MYO1B: variants seen among roughly 807,000 people sequenced by gnomAD.
The protein encoded by MYO1B is unconventional myosin-Ib.
A neutral mutation model predicts 159.7 loss-of-function variants in MYO1B; 72 were observed. That is an observed-to-expected ratio of 0.45 (90% CI 0.37 to 0.55). The LOEUF is 0.55. MYO1B is among the 20% of genes least tolerant of loss of function. MYO1B has a pLI of 0.00. For missense variants in MYO1B, 1,062 were observed against 1,364.8 expected (o/e 0.78, Z 3.50); for synonymous variants, 468 against 473.8 (o/e 0.99, Z 0.16).
intron 2 of MYO1B, among the ~76,000 whole-genome samples, chr2:191,278,968 A>AACAT (rs1352756434): frequency 6.6e-6 from 1 of 152,238 alleles, no homozygotes; most frequent in Non-Finnish European, 1.5e-5. Context: ...TGGAGAGTAG[A>AACAT]ACATTACGTG....
At position 191,296,239 on chromosome 2, in the gene MYO1B, C is replaced by G; in HGVS notation, c.251+13C>G. On this transcript the variant is annotated intron_variant, in intron 3 of 30. Transcript: ENST00000392318. Reference sequence around the variant, plus strand: ...TGAGCCCTCACATGTAAGTACTGTACTAAAGCATTAAGTTTCTCTTTTACT... The same window carrying G: ...TGAGCCCTCACATGTAAGTACTGTAGTAAAGCATTAAGTTTCTCTTTTACT... 2 of 1,497,904 alleles carry G rather than the reference C, an allele frequency of 1.3e-6. No homozygotes were observed. Among genetic ancestry groups the G allele is most frequent in the Non-Finnish European group, 1.8e-6 (2 of 1,089,384 alleles). The allele number at this position is 1,497,904 out of a possible 1,614,324, so 92.8% of individuals were successfully genotyped here.
chr2:191,379,274 TA>T (rs1309756098), intron 13 of MYO1B: 1 of 152,678 alleles, frequency 6.5e-6, no homozygotes, highest in Middle Eastern at 3.2e-3. Context: ...CAGAATGCAG[TA>T]AGTATGACCT....
intron 2 of MYO1B, among the ~76,000 whole-genome samples, chr2:191,292,897 G>A (rs1244990430): frequency 6.6e-6 from 1 of 152,198 alleles, no homozygotes; most frequent in Non-Finnish European, 1.5e-5. Context: ...GTTTAGCATT[G>A]TATATTTTCT....
At position 191,382,512 on chromosome 2, in the gene MYO1B, T is replaced by C. The variant is rs546827225; in HGVS notation, c.1291-768T>C. Among the ~76,000 whole-genome samples, 3 of 152,362 alleles carry C rather than the reference T, an allele frequency of 2.0e-5. No homozygotes were observed. In the South Asian group the frequency reaches 6.2e-4, roughly 32 times the overall value. ...AAGCACGATTCATTCTTTTCCTGTC[T>C]TCTCATCATGAAGAGAATGCCCAAA... On this transcript the variant is annotated intron_variant, in intron 14 of 30. Coordinates refer to ENST00000392318, the MANE Select transcript of MYO1B (RefSeq NM_001130158.3).
chr2:191,266,433 C>A (rs891880777), intron 1 of MYO1B, among the ~76,000 whole-genome samples: 1 of 152,162 alleles, frequency 6.6e-6, no homozygotes, highest in African/African-American at 2.4e-5. Flanking sequence ...CTGTGCCGTA[C>A]CACAATGGGG....
At chr2:191,285,676 G>A (rs1016457691) in intron 2 of MYO1B, among the ~76,000 whole-genome samples, 4 of 152,198 alleles carry the variant, frequency 2.6e-5, no homozygotes, top group African/African-American at 7.2e-5. Flanking sequence ...TGAATAAGAG[G>A]CTTTGAAGTG....
intron 3 of MYO1B, among the ~76,000 whole-genome samples, chr2:191,304,585 G>GCAA (rs10679042): frequency 0.53 from 79,923 of 151,332 alleles, 21,833 homozygotes; most frequent in East Asian, 0.65. Context: ...AACAACAACA[G>GCAA]CAACAACAAC....
chr2:191,406,887 GT>G (rs1170652780), intron 24 of MYO1B, among the ~76,000 whole-genome samples: 1 of 152,212 alleles, frequency 6.6e-6, no homozygotes, highest in Admixed American at 6.5e-5. Flanking sequence ...ATATGTTACA[GT>G]TTTTAAACCT....
At chr2:191,359,396 T>A (rs115195928) in intron 7 of MYO1B, among the ~76,000 whole-genome samples, 1,812 of 150,902 alleles carry the variant, frequency 0.012, 50 homozygotes, top group African/African-American at 0.041. Context: ...GTCTTCCAAG[T>A]CATATGAGAG....
At chr2:191,410,192 G>T (rs185462332) in intron 26 of MYO1B, among the ~76,000 whole-genome samples, 97 of 152,260 alleles carry the variant, frequency 6.4e-4, no homozygotes, top group Admixed American at 9.2e-4. Flanking sequence ...CATTGCTGGG[G>T]ATCTGCACCA....
At chr2:191,408,002 G>A in intron 24 of MYO1B, 113 bp from the exon 25 acceptor site, 3 of 581,710 alleles carry the variant, frequency 5.2e-6, no homozygotes, top group Non-Finnish European at 9.1e-6. Context: ...AATCTAGAAA[G>A]GACACTTATA....
chr2:191,300,225 C>G (rs1187817920), intron 3 of MYO1B, among the ~76,000 whole-genome samples: 1 of 152,120 alleles, frequency 6.6e-6, no homozygotes, highest in African/African-American at 2.4e-5. Context: ...GTAAATATTT[C>G]ATGAATTTAG....
Position 191,319,133 on chromosome 2 carries a change from A to G in MYO1B, c.252-10802A>G, listed in dbSNP as rs942532243. 2.0e-5 allele frequency among the ~76,000 whole-genome samples: 3 copies of G among 152,168 alleles called. No individual in the cohort carries two copies. In the South Asian group the frequency reaches 6.2e-4, roughly 31 times the overall value. ...TACCCATTCTTGTGTGACTACTTTG[A>G]AGTCATTTTGTTATGCAGACACTTT... On this transcript the variant is annotated intron_variant, in intron 3 of 30. Transcript: ENST00000392318.
At position 191,255,134 on chromosome 2, in the gene MYO1B, G is replaced by A. The variant is rs1009822423; in HGVS notation, c.-10+9508G>A. Among the ~76,000 whole-genome samples, 3 of 151,528 alleles carry A rather than the reference G, an allele frequency of 2.0e-5. No homozygotes were observed. The South Asian group carries it at 6.3e-4, about 32-fold the overall frequency. On this transcript the variant is annotated intron_variant, in intron 1 of 30. Coordinates refer to ENST00000392318, the MANE Select transcript of MYO1B (RefSeq NM_001130158.3). ...TGTGGAGACGGGGTCTTTCTATGTT[G>A]CCCAGGCTGGTCTTGAACTCCTGGC...
intron 3 of MYO1B, among the ~76,000 whole-genome samples, chr2:191,308,072 C>G (rs1689761857): frequency 6.6e-6 from 1 of 152,146 alleles, no homozygotes; most frequent in African/African-American, 2.4e-5. Flanking sequence ...TTCCCCCCCA[C>G]TCTAATCACA....
At chr2:191,318,389 G>A (rs1302723064) in intron 3 of MYO1B, among the ~76,000 whole-genome samples, 1 of 152,190 alleles carries the variant, frequency 6.6e-6, no homozygotes, top group Non-Finnish European at 1.5e-5. Flanking sequence ...CCAGAAATCA[G>A]TCTGAGTATA....
At chr2:191,410,754 A>G (rs1697205240) in intron 26 of MYO1B, among the ~76,000 whole-genome samples, 1 of 152,200 alleles carries the variant, frequency 6.6e-6, no homozygotes, top group South Asian at 2.1e-4. Context: ...GAAGAGTGAC[A>G]GCCTCAGGAC....
chr2:191,362,282 G>C lies in MYO1B; in HGVS notation c.676G>C (p.Glu226Gln), dbSNP rs1249831144. The change falls in exon 9 of 31, where the codon GAG becomes CAG. Residue 226 changes from glutamate to glutamine, a missense_variant. Glu to Gln is a conservative substitution (Grantham distance 29). Around this residue, in one of 5 missense-constraint regions of MYO1B, gnomAD observed 415 missense variants for 544.0 expected, o/e 0.76. Transcript: ENST00000392318. ...SEELLNKLKL[E>Q]RDFSRYNYLS... ...TGATTCAATAGATAAACTTAAGCTT[G>C]AGAGGGATTTCAGCAGGTATAACTA... 2 of 1,613,636 alleles carry C rather than the reference G, an allele frequency of 1.2e-6. No homozygotes were observed. Among genetic ancestry groups the C allele is most frequent in the Non-Finnish European group, 1.7e-6 (2 of 1,179,652 alleles).
chr2:191,390,256 G>A (rs903609803), intron 17 of MYO1B, 36 bp from the exon 18 acceptor site: 11 of 1,576,142 alleles, frequency 7.0e-6, no homozygotes, highest in African/African-American at 1.4e-5. Context: ...ATCCATAGGA[G>A]GCAGTTTATA....
Sources: gnomAD v4.1 joint callset for allele counts (sites outside exome capture counted in the v4.1 genomes callset) on GRCh38, gnomAD v4.1.1 for gene constraint, gnomAD v4.1.1 regional missense constraint, MANE v1.5 for transcripts, NCBI Gene and HGNC (gene_info 2026-07-23, HGNC 2026-07-21) for gene names.